Variants in CFAP92 observed in about 807,000 individuals in gnomAD.
CFAP92 encodes cilia and flagella associated protein 92 (putative), also known as uncharacterized protein CFAP92.
In CFAP92, 86 loss-of-function variants were observed where a neutral mutation model predicts 106.3. That is an observed-to-expected ratio of 0.81 (90% CI 0.68 to 0.97). The LOEUF is 0.97. Among genes scored for constraint, CFAP92 ranks in the 50% least tolerant of loss-of-function variants. The pLI is 0.00. For synonymous variants in CFAP92, 477 were observed against 506.4 expected, an observed-to-expected ratio of 0.94 and a Z score of 0.78; for missense variants, 1,204 against 1,283.8, an observed-to-expected ratio of 0.94 and a Z score of 0.95.
chr3:128,931,016 CT>C (rs957383030), intron 12 of CFAP92, among the ~76,000 whole-genome samples: 66 of 152,246 alleles, frequency 4.3e-4, no homozygotes, highest in African/African-American at 1.6e-3. Flanking sequence ...AGTGATTCTC[CT>C]GCTTCAGCCT....
intron 12 of CFAP92, among the ~76,000 whole-genome samples, chr3:128,925,797 T>A (rs1937604839): frequency 6.6e-6 from 1 of 151,956 alleles, no homozygotes; most frequent in South Asian, 2.1e-4. Flanking sequence ...AAACAAAAAA[T>A]TTAAGCAGCC....
intron 15 of CFAP92, chr3:128,914,743 GA>G (rs1174801437): frequency 5.4e-6 from 1 of 185,536 alleles, no homozygotes; most frequent in Non-Finnish European, 1.1e-5. Flanking sequence ...AGGTCCCAGT[GA>G]AGCCCAGAGC....
At chr3:128,952,372 C>T (rs1272201967) in intron 9 of CFAP92, among the ~76,000 whole-genome samples, 4 of 152,126 alleles carry the variant, frequency 2.6e-5, no homozygotes, top group East Asian at 3.9e-4. Flanking sequence ...AGTGATTCTC[C>T]AGCACCCAGC....
Position 128,986,240 on chromosome 3 carries a change from CTT to C in CFAP92, c.667+1374_667+1375del, listed in dbSNP as rs144649397. Among the ~76,000 whole-genome samples, 761 of 138,980 alleles carry C rather than the reference CTT, an allele frequency of 5.5e-3. 2 individuals are homozygous for C. The highest frequency in any genetic ancestry group is 0.016 in the African/African-American group (609 of 37,776). The allele number at this position is 138,980 out of a possible 152,430, so 91.2% of individuals were successfully genotyped here. The stretch of plus-strand genomic sequence containing the variant: ...GATTCTAATATGTACATCTGTTTTA[CTT>C]TTTTTTTTTTTTTTTGAGATAAGGT... On this transcript the variant is annotated intron_variant, in intron 4 of 15. Coordinates refer to ENST00000645291, the MANE Select transcript of CFAP92 (RefSeq NM_001394090.1).
chr3:129,001,913 G>T (rs1263199631), intron 1 of CFAP92: 2 of 1,538,902 alleles, frequency 1.3e-6, no homozygotes, highest in East Asian at 5.0e-5. Context: ...GGGCCACCAC[G>T]GCCGGGCAGG....
At chr3:128,941,332 T>C (rs1396801812) in intron 10 of CFAP92, among the ~76,000 whole-genome samples, 3 of 152,080 alleles carry the variant, frequency 2.0e-5, no homozygotes, top group African/African-American at 4.8e-5. Context: ...TTTAAATATA[T>C]TGGCATAATT....
chr3:128,913,011 G>A (rs1553736435), intron 15 of CFAP92: 1 of 459,954 alleles, frequency 2.2e-6, no homozygotes, highest in South Asian at 1.5e-5. Context: ...CAGCTTGAAA[G>A]CTCTGTCTGG....
At chr3:128,948,896 T>G (rs1940523207) in intron 9 of CFAP92, among the ~76,000 whole-genome samples, 1 of 152,026 alleles carries the variant, frequency 6.6e-6, no homozygotes, top group Non-Finnish European at 1.5e-5. Context: ...AACTGAAAAA[T>G]GAGCAAAAAT....
At chr3:128,997,766 C>T (rs1944536166), upstream of CFAP92, among the ~76,000 whole-genome samples, 1 of 152,154 alleles carries the variant, frequency 6.6e-6, no homozygotes, top group African/African-American at 2.4e-5. Context: ...TTGCTATGAA[C>T]ATTCCCACAC....
rs182074772 is a variant in CFAP92 at position 128,943,192 on chromosome 3, C to T, written c.2258+1879G>A. Among the ~76,000 whole-genome samples, 69 of 152,062 alleles carry T rather than the reference C, an allele frequency of 4.5e-4. 1 individual carries two copies. Among genetic ancestry groups the T allele is most frequent in the East Asian group, 3.3e-3 (17 of 5,156 alleles). On this transcript the variant is annotated intron_variant, in intron 10 of 15. Coordinates refer to ENST00000645291, the MANE Select transcript of CFAP92 (RefSeq NM_001394090.1). ...CTCATCCTCCCAAAGTGCTGGGATTCCAGGCGTGAGCCACTGTGCCCGGCA... is the reference window on the plus strand; with the variant it reads ...CTCATCCTCCCAAAGTGCTGGGATTTCAGGCGTGAGCCACTGTGCCCGGCA...
intron 2 of CFAP92, chr3:128,991,665 G>C (rs139328753): frequency 1.6e-4 from 88 of 565,184 alleles, no homozygotes; most frequent in Middle Eastern, 8.2e-4. Flanking sequence ...ACTTGGGGCT[G>C]ACGCCATTTT....
At chr3:128,942,218 C>T (rs1240084768) in intron 10 of CFAP92, among the ~76,000 whole-genome samples, 1 of 152,194 alleles carries the variant, frequency 6.6e-6, no homozygotes, top group Non-Finnish European at 1.5e-5. Context: ...GGAAAGAATA[C>T]AGACTAAAAT....
At chr3:129,015,977 A>G in the CFAP92 span, among the ~76,000 whole-genome samples, 25,596 of 152,140 alleles carry the variant, frequency 0.17, 6,152 homozygotes, top group African/African-American at 0.54. Flanking sequence ...CTGGGTTCTG[A>G]GGGACCTGTC....
At chr3:128,992,514 A>T (rs1053590451) in intron 2 of CFAP92, among the ~76,000 whole-genome samples, 1 of 152,092 alleles carries the variant, frequency 6.6e-6, no homozygotes, top group Admixed American at 6.5e-5. Context: ...GTGAGCTGAG[A>T]TCGCACCACT....
At chr3:128,932,565 G>T in intron 12 of CFAP92, 135 bp downstream of exon 12, 1 of 849,044 alleles carries the variant, frequency 1.2e-6, no homozygotes, top group South Asian at 1.8e-5. Flanking sequence ...ATCCAGCAGG[G>T]TAGCCCAGGC....
upstream of CFAP92, among the ~76,000 whole-genome samples, chr3:128,998,429 A>G (rs545487033): frequency 6.6e-6 from 1 of 152,322 alleles, no homozygotes; most frequent in Non-Finnish European, 1.5e-5. Flanking sequence ...AAGCAAATCT[A>G]CTAACCAAGA....
intron 12 of CFAP92, among the ~76,000 whole-genome samples, chr3:128,926,698 C>G (rs542582718): frequency 1.3e-5 from 2 of 152,180 alleles, no homozygotes; most frequent in African/African-American, 4.8e-5. Context: ...TCTACTGAAG[C>G]TCTAAACCCC....
At chr3:128,962,618 C>A (rs1451679830) in intron 9 of CFAP92, among the ~76,000 whole-genome samples, 1 of 152,124 alleles carries the variant, frequency 6.6e-6, no homozygotes, top group African/African-American at 2.4e-5. Flanking sequence ...TCTACTCCCT[C>A]CTTGGCAACT....
chr3:128,985,446 C>T (rs1415051115), intron 4 of CFAP92, among the ~76,000 whole-genome samples: 1 of 152,212 alleles, frequency 6.6e-6, no homozygotes, highest in Non-Finnish European at 1.5e-5. Context: ...ACCTGGGCAA[C>T]AGAGTGAGAC....
Sources: allele counts gnomAD v4.1 joint callset (sites outside exome capture counted in the v4.1 genomes callset), GRCh38; gene constraint gnomAD v4.1.1; transcripts MANE v1.5; gene names NCBI Gene and HGNC (gene_info 2026-07-23, HGNC 2026-07-21).